EXPH5: variants seen among roughly 807,000 people sequenced by gnomAD.
EXPH5 encodes exophilin 5.
Under a neutral mutation model 41.1 loss-of-function variants are expected in EXPH5, and 42 were observed. The observed-to-expected ratio is 1.02, with a 90% confidence interval of 0.80 to 1.32. The LOEUF (loss-of-function observed/expected upper bound fraction) is 1.32, where lower values mean the gene tolerates loss of function less well. Ranked by LOEUF, EXPH5 falls within the 40% of genes most tolerant of loss-of-function variation. The pLI is 0.00. For synonymous variants in EXPH5, 798 were observed against 833.5 expected (o/e 0.96, Z 0.73); for missense variants, 2,298 against 2,314.5 (o/e 0.99, Z 0.15).
In EXPH5 at chr11:108,511,323, T is replaced by C. The variant is rs369877753; in HGVS notation, c.4184A>G (p.His1395Arg). The change falls in exon 6 of 6, where the codon CAT (histidine) becomes CGT (arginine). Residue 1395 changes from histidine (H) to arginine (R), a missense_variant. Coordinates refer to ENST00000265843, the MANE Select transcript of EXPH5 (RefSeq NM_015065.3). Reference protein sequence around the residue: ...RGKKLQSETLHTSLMLQRKNV... With the variant: ...RGKKLQSETLRTSLMLQRKNV... ...TTTTCTCTGAAGCATCAATGAAGTA[T>C]GCAGGGTTTCACTTTGCAACTTTTT... 2 of 1,592,300 alleles carry C rather than the reference T, an allele frequency of 1.3e-6. No homozygotes were observed. The highest frequency in any genetic ancestry group is 2.2e-5 in the East Asian group (1 of 44,820).
chr11:108,525,741 A>G (rs910929259), intron 4 of EXPH5, among the ~76,000 whole-genome samples: 3 of 152,066 alleles, frequency 2.0e-5, no homozygotes, highest in African/African-American at 7.2e-5. Flanking sequence ...TATGGCATCC[A>G]TGGTCAATTT....
intron 4 of EXPH5, among the ~76,000 whole-genome samples, chr11:108,525,005 C>T (rs12282575): frequency 0.011 from 1,627 of 152,202 alleles, 23 homozygotes; most frequent in African/African-American, 0.036. Flanking sequence ...ATCACGGGGG[C>T]GGTTTCCCCC....
At chr11:108,573,227 A>T (rs2094068894) in intron 1 of EXPH5, among the ~76,000 whole-genome samples, 1 of 151,880 alleles carries the variant, frequency 6.6e-6, no homozygotes, top group Admixed American at 6.6e-5. Context: ...AGAAAGGGAA[A>T]GCAAACCAGC....
chr11:108,589,867 G>A (rs1026843791), intron 1 of EXPH5, among the ~76,000 whole-genome samples: 1 of 152,150 alleles, frequency 6.6e-6, no homozygotes, highest in African/African-American at 2.4e-5. Flanking sequence ...TGTGAAATGA[G>A]AATTAAAGTG....
At chr11:108,578,485 C>A (rs745675652) in intron 1 of EXPH5, among the ~76,000 whole-genome samples, 2 of 152,114 alleles carry the variant, frequency 1.3e-5, no homozygotes, top group Non-Finnish European at 2.9e-5. Context: ...CAGCTTTGCT[C>A]TTTTTTGCTC....
Position 108,510,229 on chromosome 11 carries a change from G to A in EXPH5, c.5278C>T (p.Pro1760Ser), listed in dbSNP as rs752899576. ...CTGCTTACTCTAGATTTCTGTGCAG[G>A]CTCCAGTGGAAAAGGAGGGCTCAGC... is the stretch of plus-strand genomic sequence containing the variant. The part of the protein sequence containing the change: ...RRLSPPFPLE[P>S]AQKSRVSSPL... Residue 1760 changes from proline (P) to serine (S), a missense_variant, in exon 6 of 6, where the codon CCT becomes TCT. Physicochemically the swap from Pro to Ser is moderately conservative, Grantham distance 74. Coordinates refer to ENST00000265843, the MANE Select transcript of EXPH5 (RefSeq NM_015065.3). The A allele has an allele frequency of 2.5e-6, 4 of 1,613,616 alleles. No homozygotes were observed. Among genetic ancestry groups the A allele is most frequent in the East Asian group, 4.5e-5 (2 of 44,878 alleles).
chr11:108,598,451 C>T (rs369578785), upstream of EXPH5, among the ~76,000 whole-genome samples: 2 of 152,182 alleles, frequency 1.3e-5, no homozygotes, highest in African/African-American at 2.4e-5. Flanking sequence ...AGGGAGTTTG[C>T]ACTTCCTTGG....
chr11:108,548,509 G>C lies in EXPH5; in HGVS notation c.120-6697C>G, dbSNP rs79634994. 7.9e-5 allele frequency among the ~76,000 whole-genome samples: 12 copies of C among 152,332 alleles called. No individual in the cohort carries two copies. The East Asian group carries it at 2.3e-3, about 29-fold the overall frequency. ...TTTAAGGATAACTCTGGAGATGGCTGTCAGGAAAGTGATGAACAGGTACAG... is the reference window on the plus strand; with the variant it reads ...TTTAAGGATAACTCTGGAGATGGCTCTCAGGAAAGTGATGAACAGGTACAG... On this transcript the variant is annotated intron_variant, in intron 1 of 5. Coordinates refer to ENST00000265843, the MANE Select transcript of EXPH5 (RefSeq NM_015065.3).
intron 1 of EXPH5, among the ~76,000 whole-genome samples, chr11:108,592,688 C>A (rs1377823426): frequency 6.6e-6 from 1 of 152,162 alleles, no homozygotes; most frequent in African/African-American, 2.4e-5. Context: ...AGTAACTAAT[C>A]CCTCACCTAC....
chr11:108,568,749 T>G (rs2094046375), intron 1 of EXPH5, among the ~76,000 whole-genome samples: 1 of 152,188 alleles, frequency 6.6e-6, no homozygotes, highest in Non-Finnish European at 1.5e-5. Flanking sequence ...TGAGTTCATA[T>G]GAGCTCTCCT....
upstream of EXPH5, among the ~76,000 whole-genome samples, chr11:108,597,152 A>G (rs1028851699): frequency 4.6e-5 from 7 of 152,204 alleles, no homozygotes; most frequent in Non-Finnish European, 1.0e-4. Context: ...CCAAGCCAAG[A>G]GACATGCTGA....
At chr11:108,598,507 C>T (rs775920135), upstream of EXPH5, among the ~76,000 whole-genome samples, 10 of 140,292 alleles carry the variant, frequency 7.1e-5, no homozygotes, top group East Asian at 1.0e-3. Flanking sequence ...AGATTTACCA[C>T]GTGTGATAAA....
the EXPH5 span, among the ~76,000 whole-genome samples, chr11:108,606,142 C>T: frequency 2.0e-5 from 3 of 152,212 alleles, no homozygotes; most frequent in Non-Finnish European, 2.9e-5. Context: ...GATCCTCCCT[C>T]CTCGGCCTCC....
the EXPH5 span, among the ~76,000 whole-genome samples, chr11:108,604,842 T>C: frequency 2.0e-5 from 3 of 151,956 alleles, no homozygotes; most frequent in Non-Finnish European, 4.4e-5. Context: ...CAGTTTTAGG[T>C]TAAAGGGGAA....
At chr11:108,574,076 T>TG (rs960660030) in intron 1 of EXPH5, among the ~76,000 whole-genome samples, 12 of 139,778 alleles carry the variant, frequency 8.6e-5, no homozygotes, top group African/African-American at 3.7e-4. Context: ...TAATTTTGTG[T>TG]GTTTTTTTTT....
At chr11:108,563,723 TG>T (rs2094022625) in intron 1 of EXPH5, among the ~76,000 whole-genome samples, 1 of 152,096 alleles carries the variant, frequency 6.6e-6, no homozygotes, top group Non-Finnish European at 1.5e-5. Flanking sequence ...GGTTCAACCC[TG>T]GAACAGTAAA....
At chr11:108,579,538 TAA>T (rs546161233) in intron 1 of EXPH5, among the ~76,000 whole-genome samples, 48 of 136,948 alleles carry the variant, frequency 3.5e-4, no homozygotes, top group Non-Finnish European at 3.5e-4. Flanking sequence ...AGTTTGGAAG[TAA>T]AAAAAAAAAA....
intron 1 of EXPH5, among the ~76,000 whole-genome samples, chr11:108,565,642 G>T (rs2094031336): frequency 6.6e-6 from 1 of 152,220 alleles, no homozygotes; most frequent in South Asian, 2.1e-4. Context: ...GAGCTTACGT[G>T]AGGGTGCTGG....
At chr11:108,583,095 G>A (rs775824190) in intron 1 of EXPH5, among the ~76,000 whole-genome samples, 1 of 152,048 alleles carries the variant, frequency 6.6e-6, no homozygotes, top group Non-Finnish European at 1.5e-5. Flanking sequence ...CTGTTAATAA[G>A]TATATCGCCA....
Sources: allele counts gnomAD v4.1 joint callset (sites outside exome capture counted in the v4.1 genomes callset), GRCh38; gene constraint gnomAD v4.1.1; transcripts MANE v1.5; gene names NCBI Gene and HGNC (gene_info 2026-07-23, HGNC 2026-07-21).